Variants in ACYP2 observed in about 807,000 individuals in gnomAD.
The protein encoded by ACYP2 is acylphosphatase-2.
A neutral mutation model predicts 11.2 loss-of-function variants in ACYP2; 12 were observed. That is an observed-to-expected ratio of 1.08 (90% confidence interval 0.69 to 1.74). The LOEUF (loss-of-function observed/expected upper bound fraction) is 1.74, where lower values mean the gene tolerates loss of function less well. ACYP2 is among the 40% of genes most tolerant of loss of function. ACYP2 has a pLI of 0.00. For missense variants in ACYP2, 134 were observed against 101.9 expected, an observed-to-expected ratio of 1.31 and a Z score of -1.35; for synonymous variants, 43 against 32.2, an observed-to-expected ratio of 1.33 and a Z score of -1.13.
chr2:54,280,815 A>G (rs1688816161), intron 6 of ACYP2, among the ~76,000 whole-genome samples: 1 of 152,194 alleles, frequency 6.6e-6, no homozygotes. Context: ...TTTACTCTTA[A>G]GAAACTTAAT....
intron 2 of ACYP2, among the ~76,000 whole-genome samples, chr2:53,998,286 G>A (rs915639454): frequency 6.6e-6 from 1 of 152,160 alleles, no homozygotes; most frequent in Non-Finnish European, 1.5e-5. Flanking sequence ...TGTGGAGGTA[G>A]CCGATACAGA....
intron 4 of ACYP2, among the ~76,000 whole-genome samples, chr2:54,064,250 TAGA>T (rs997720347): frequency 6.6e-6 from 1 of 152,194 alleles, no homozygotes; most frequent in African/African-American, 2.4e-5. Context: ...CTTCCCATTA[TAGA>T]AGCTCAGCTC....
intron 6 of ACYP2, chr2:54,143,414 A>G (rs1320074454): frequency 3.3e-5 from 5 of 152,154 alleles, no homozygotes; most frequent in Admixed American, 6.6e-5. Context: ...TTGTATATAT[A>G]TAAGTCACGT....
At chr2:54,210,141 CAAAAAAAAAA>C (rs57860939) in intron 6 of ACYP2, among the ~76,000 whole-genome samples, 1 of 71,002 alleles carries the variant, frequency 1.4e-5, no homozygotes, top group Non-Finnish European at 3.0e-5. Context: ...GACTGTGTCT[CAAAAAAAAAA>C]AAAAAAAAAA....
At chr2:53,984,543 C>T (rs1671928197) in intron 2 of ACYP2, among the ~76,000 whole-genome samples, 1 of 151,882 alleles carries the variant, frequency 6.6e-6, no homozygotes, top group East Asian at 1.9e-4. Context: ...CACCACTGTA[C>T]TCCAGCCTGG....
chr2:54,144,545 A>G (rs934289719), intron 6 of ACYP2, among the ~76,000 whole-genome samples: 21 of 151,972 alleles, frequency 1.4e-4, no homozygotes, highest in East Asian at 3.9e-4. Flanking sequence ...GTGGTGGTAC[A>G]CACCTGTAAT....
intron 4 of ACYP2, among the ~76,000 whole-genome samples, chr2:54,121,438 G>A (rs182920585): frequency 3.3e-5 from 5 of 152,314 alleles, no homozygotes; most frequent in African/African-American, 9.6e-5. Context: ...TGGTTTCACC[G>A]GAGACCTGTC....
At chr2:53,991,356 C>T (rs900937330) in intron 2 of ACYP2, among the ~76,000 whole-genome samples, 4 of 151,630 alleles carry the variant, frequency 2.6e-5, no homozygotes. Flanking sequence ...AACTACTTTT[C>T]TCTTGGATAC....
intron 6 of ACYP2, among the ~76,000 whole-genome samples, chr2:54,168,214 C>T (rs917525085): frequency 5.9e-5 from 9 of 152,028 alleles, no homozygotes; most frequent in Admixed American, 2.6e-4. Flanking sequence ...CACTTGAGGT[C>T]AGGAGTTCAA....
At chr2:54,207,106 TATAG>T (rs1685103436) in intron 6 of ACYP2, among the ~76,000 whole-genome samples, 1 of 150,506 alleles carries the variant, frequency 6.6e-6, no homozygotes, top group Admixed American at 6.6e-5. Flanking sequence ...GATATCTATA[TATAG>T]ATATATAGGT....
intron 6 of ACYP2, among the ~76,000 whole-genome samples, chr2:54,289,804 A>G (rs570543373): frequency 6.6e-6 from 1 of 152,034 alleles, no homozygotes; most frequent in South Asian, 2.1e-4. Flanking sequence ...CATTTCCCTA[A>G]CAATGAGACA....
chr2:54,225,239 G>T (rs964998053), intron 6 of ACYP2, among the ~76,000 whole-genome samples: 1 of 152,184 alleles, frequency 6.6e-6, no homozygotes, highest in African/African-American at 2.4e-5. Flanking sequence ...TCTAGCAGGG[G>T]TGAGCCAGGA....
At chr2:54,161,635 C>T (rs1483831823) in intron 6 of ACYP2, among the ~76,000 whole-genome samples, 1 of 152,118 alleles carries the variant, frequency 6.6e-6, no homozygotes, top group Non-Finnish European at 1.5e-5. Flanking sequence ...GATAATCATT[C>T]ACGGTGACAA....
intron 2 of ACYP2, among the ~76,000 whole-genome samples, chr2:54,035,009 C>CA (rs550142135): frequency 0.018 from 815 of 44,320 alleles, 44 homozygotes; most frequent in South Asian, 0.034. Flanking sequence ...GACTACATCT[C>CA]AAAAAAAAAA....
chr2:54,115,515 G>A, intron 4 of ACYP2, 100 bp from the exon 1 acceptor site: 4 of 1,453,098 alleles, frequency 2.8e-6, no homozygotes, highest in Non-Finnish European at 3.6e-6. Context: ...GGCTGCCCTC[G>A]CTCCCAGGCC....
intron 6 of ACYP2, among the ~76,000 whole-genome samples, chr2:54,153,480 T>A (rs1682286118): frequency 7.0e-6 from 1 of 142,512 alleles, no homozygotes; most frequent in Admixed American, 6.9e-5. Flanking sequence ...TTTTTTCATG[T>A]GTGTGTGGTT....
At chr2:54,141,997 G>A (rs1373615128) in intron 6 of ACYP2, 2 of 461,440 alleles carry the variant, frequency 4.3e-6, no homozygotes, top group East Asian at 3.1e-5. Context: ...GTGTGTGTGT[G>A]TGTGTGTGTG....
intron 4 of ACYP2, among the ~76,000 whole-genome samples, chr2:54,123,703 C>T (rs1020485714): frequency 2.0e-5 from 3 of 151,972 alleles, no homozygotes. Context: ...TGTCCTTGGC[C>T]TCTCCCTCAA....
chr2:54,130,547 A>T (rs1237430660), intron 4 of ACYP2, among the ~76,000 whole-genome samples: 1 of 152,152 alleles, frequency 6.6e-6, no homozygotes, highest in Non-Finnish European at 1.5e-5. Context: ...ATACACTGTA[A>T]GGGGGGCAGA....
Sources: gnomAD v4.1 joint callset for allele counts (sites outside exome capture counted in the v4.1 genomes callset) on GRCh38, gnomAD v4.1.1 for gene constraint, MANE v1.5 for transcripts, NCBI Gene and HGNC (gene_info 2026-07-23, HGNC 2026-07-21) for gene names.